RXRG: variants seen among roughly 807,000 people sequenced by gnomAD.
RXRG encodes retinoic acid receptor RXR-gamma.
RXRG carries 19 observed loss-of-function variants against 49.2 expected under a neutral mutation model. The observed-to-expected ratio is 0.39, with a 90% CI of 0.27 to 0.57. RXRG has a LOEUF of 0.57. Ranked by LOEUF, RXRG falls within the 20% of genes least tolerant of loss-of-function variation. The pLI, the probability that RXRG is intolerant of heterozygous loss-of-function variation, is 0.64. For missense variants in RXRG, 452 were observed against 592.5 expected (o/e 0.76, Z 2.46); for synonymous variants, 224 against 216.6 (o/e 1.03, Z -0.30).
intron 1 of RXRG, among the ~76,000 whole-genome samples, chr1:165,444,238 G>C: frequency 6.6e-6 from 1 of 152,126 alleles, no homozygotes. Flanking sequence ...GTAGAATTGG[G>C]GGCAGCAGCA....
intron 2 of RXRG, chr1:165,424,995 A>C: frequency 5.1e-6 from 5 of 984,002 alleles, no homozygotes; most frequent in Non-Finnish European, 6.0e-6. Flanking sequence ...GAGCTTCCCC[A>C]GCACTTGGCA....
rs751274403 is a variant in RXRG, at chr1:165,401,283, T to A, written c.1372A>T (p.Thr458Ser). 1.2e-5 allele frequency: 19 copies of A among 1,613,272 alleles called. No individual in the cohort carries two copies. The highest frequency in any genetic ancestry group is 1.7e-4 in the Middle Eastern group (1 of 6,046). Residue 458 changes from threonine to serine, a missense_variant, in exon 10 of 10, where the codon ACC (threonine) becomes TCC (serine). Transcript: ENST00000359842. The part of the protein sequence containing the change: ...IDTFLMEMLE[T>S]PLQIT ...GGGGCTCAGGTGATCTGCAGCGGGGTCTCCAACATCTCCATGAGGAAGGTG... is the reference window on the plus strand; with the variant it reads ...GGGGCTCAGGTGATCTGCAGCGGGGACTCCAACATCTCCATGAGGAAGGTG...
chr1:165,427,025 A>C (rs1369199639), intron 2 of RXRG, among the ~76,000 whole-genome samples: 1 of 152,248 alleles, frequency 6.6e-6, no homozygotes, highest in Non-Finnish European at 1.5e-5. Flanking sequence ...TCTTCAACTA[A>C]TTGGATGATG....
At chr1:165,429,239 C>T (rs1658596253) in intron 1 of RXRG, among the ~76,000 whole-genome samples, 1 of 152,142 alleles carries the variant, frequency 6.6e-6, no homozygotes, top group African/African-American at 2.4e-5. Context: ...TATGCTGGAT[C>T]CACAGCCAGT....
intron 3 of RXRG, 122 bp from the exon 4 acceptor site, chr1:165,417,342 A>T: frequency 1.2e-6 from 1 of 832,004 alleles, no homozygotes; most frequent in Non-Finnish European, 1.9e-6. Context: ...TTGGGACAGA[A>T]AGCAAATAAT....
intron 1 of RXRG, among the ~76,000 whole-genome samples, chr1:165,443,400 A>G (rs775591344): frequency 6.6e-6 from 1 of 152,178 alleles, no homozygotes; most frequent in Non-Finnish European, 1.5e-5. Flanking sequence ...TCACATCTGG[A>G]GCCCAACCAT....
Position 165,428,959 on chromosome 1 carries a change from A to C in RXRG, c.57T>G (p.Pro19=). The C allele has an allele frequency of 6.2e-7, 1 of 1,612,710 alleles. No individual in the cohort carries two copies. Among genetic ancestry groups the C allele is most frequent in the Non-Finnish European group, 8.5e-7 (1 of 1,179,638 alleles). The part of the protein sequence containing the change: ...MKFPAGYGGS[P]GHTGSTSMSP... ...TCATGGATGTAGAGCCAGTGTGGCC[A>C]GGGGAGCCTGTAAGAAGAAGAATAT... The change falls in exon 2 of 10, where the codon CCT becomes CCG. Residue 19 remains proline (P), a synonymous_variant. Transcript: ENST00000359842.
At chr1:165,441,458 C>T (rs922118411) in intron 1 of RXRG, among the ~76,000 whole-genome samples, 3 of 150,810 alleles carry the variant, frequency 2.0e-5, no homozygotes, top group Non-Finnish European at 4.4e-5. Context: ...TGGGTTCAAT[C>T]CCTGGCTGTG....
chr1:165,401,504 C>A (rs1169889008), intron 9 of RXRG, 94 bp from the exon 10 acceptor site: 3 of 1,419,498 alleles, frequency 2.1e-6, no homozygotes, highest in Non-Finnish European at 2.9e-6. Flanking sequence ...GCCTTCTCGA[C>A]CCATCTGTGA....
chr1:165,421,969 C>T (rs927972071), intron 2 of RXRG, among the ~76,000 whole-genome samples: 4 of 152,198 alleles, frequency 2.6e-5, no homozygotes, highest in Admixed American at 6.5e-5. Context: ...GGATCCGACT[C>T]ATGAAATGGA....
At chr1:165,419,381 G>A (rs1658234723) in intron 3 of RXRG, among the ~76,000 whole-genome samples, 1 of 151,902 alleles carries the variant, frequency 6.6e-6, no homozygotes, top group Admixed American at 6.6e-5. Context: ...TATCTGGGAG[G>A]GGTTATTCTT....
At chr1:165,415,305 C>A (rs1336393642) in intron 4 of RXRG, among the ~76,000 whole-genome samples, 2 of 152,210 alleles carry the variant, frequency 1.3e-5, no homozygotes, top group African/African-American at 2.4e-5. Flanking sequence ...AAGGCTGAGG[C>A]TGAGAGACAA....
chr1:165,402,807 A>G (rs554384281), intron 9 of RXRG, among the ~76,000 whole-genome samples: 2 of 152,298 alleles, frequency 1.3e-5, no homozygotes, highest in African/African-American at 4.8e-5. Flanking sequence ...ACATGTTTGC[A>G]CACGCATCCA....
chr1:165,428,844 C>T lies in RXRG; in HGVS notation c.172G>A (p.Ala58Thr), dbSNP rs1658576967. ...AGGGCATTGAGGGGGGTCCCCACTG[C>T]ACTCAGAGTCCGTGGGGCACTCACT... ...TPVSAPRTLS[A>T]VGTPLNALGS... The change falls in exon 2 of 10, where the codon GCA (alanine) becomes ACA (threonine). Residue 58 changes from alanine (A) to threonine (T), a missense_variant. Transcript: ENST00000359842. 2 of 1,614,048 alleles carry T rather than the reference C, an allele frequency of 1.2e-6. No individual in the cohort carries two copies. Among genetic ancestry groups the T allele is most frequent in the Non-Finnish European group, 8.5e-7 (1 of 1,180,018 alleles).
rs769414535 is a variant in RXRG, at chr1:165,401,355, G to A, written c.1300C>T (p.Leu434=). Residue 434 remains leucine (L), a synonymous_variant, in exon 10 of 10, where the codon CTG becomes TTG. Coordinates refer to ENST00000359842, the MANE Select transcript of RXRG (RefSeq NM_006917.5). Reference sequence around the variant, plus strand: ...AGCTTGAAGAAGAAGAGGTGCTCCAGGCATTTCAAGCCAATGGAACGCAGA... The same window carrying A: ...AGCTTGAAGAAGAAGAGGTGCTCCAAGCATTTCAAGCCAATGGAACGCAGA... ...PALRSIGLKC[L]EHLFFFKLIG... is the part of the protein sequence containing the mutation. 25 of 1,614,200 alleles carry A rather than the reference G, an allele frequency of 1.5e-5. No individual in the cohort carries two copies. The highest frequency in any genetic ancestry group is 1.9e-5 in the Non-Finnish European group (23 of 1,180,050).
intron 3 of RXRG, among the ~76,000 whole-genome samples, chr1:165,417,721 A>C (rs1050304326): frequency 5.3e-5 from 8 of 152,212 alleles, no homozygotes; most frequent in Admixed American, 6.5e-5. Context: ...TGAATTGTTA[A>C]GTGCTATTGA....
intron 2 of RXRG, among the ~76,000 whole-genome samples, chr1:165,428,348 T>C (rs1348891051): frequency 6.6e-6 from 1 of 152,252 alleles, no homozygotes; most frequent in East Asian, 1.9e-4. Context: ...CATTTCTGCA[T>C]TGCCTTTAAC....
rs1249960762 is a variant in RXRG, at chr1:165,409,355, C to T, written c.1046+203G>A. 2.6e-5 allele frequency among the ~76,000 whole-genome samples: 4 copies of T among 152,152 alleles called. No homozygotes were observed. The East Asian group carries it at 5.8e-4, about 22-fold the overall frequency. On this transcript the variant is annotated intron_variant, in intron 7 of 9. Coordinates refer to ENST00000359842, the MANE Select transcript of RXRG (RefSeq NM_006917.5). ...CTTTCTTTTAATCTCTCCCTCATTCCCCAGGTTTATAGTTTCATGTGCCTA... is the reference window on the plus strand; with the variant it reads ...CTTTCTTTTAATCTCTCCCTCATTCTCCAGGTTTATAGTTTCATGTGCCTA...
chr1:165,406,144 A>T (rs1490249173), intron 9 of RXRG, among the ~76,000 whole-genome samples: 1 of 152,236 alleles, frequency 6.6e-6, no homozygotes, highest in Non-Finnish European at 1.5e-5. Context: ...AAGTTTTGAG[A>T]ATATCTTTTA....
Sources: gnomAD v4.1 joint callset for allele counts (sites outside exome capture counted in the v4.1 genomes callset) on GRCh38, gnomAD v4.1.1 for gene constraint, MANE v1.5 for transcripts, NCBI Gene and HGNC (gene_info 2026-07-23, HGNC 2026-07-21) for gene names.